Variants in SMC1B observed in about 807,000 individuals in gnomAD.
SMC1B encodes the protein structural maintenance of chromosomes protein 1B.
A neutral mutation model predicts 157.9 loss-of-function variants in SMC1B; 60 were observed. The observed-to-expected ratio is 0.38, with a 90% CI of 0.31 to 0.47. The LOEUF (loss-of-function observed/expected upper bound fraction) is 0.47. Among genes scored for constraint, SMC1B ranks in the 20% least tolerant of loss-of-function variants. SMC1B has a pLI of 0.99. For missense variants in SMC1B, 1,165 were observed against 1,426.2 expected, an observed-to-expected ratio of 0.82 and a Z score of 2.95; for synonymous variants, 445 against 483.0, an observed-to-expected ratio of 0.92 and a Z score of 1.03.
chr22:45,409,274 G>A (rs574334732), intron 1 of SMC1B, among the ~76,000 whole-genome samples: 3 of 152,236 alleles, frequency 2.0e-5, no homozygotes, highest in African/African-American at 7.2e-5. Flanking sequence ...CTAAAAAAGA[G>A]AGGCTAAGGC....
intron 15 of SMC1B, among the ~76,000 whole-genome samples, chr22:45,368,812 C>T (rs2086801045): frequency 6.6e-6 from 1 of 152,150 alleles, no homozygotes; most frequent in Admixed American, 6.5e-5. Context: ...AGCCACCACA[C>T]CTGGGCTGAA....
intron 19 of SMC1B, 100 bp downstream of exon 19, chr22:45,358,596 TA>T (rs879067131): frequency 7.6e-5 from 53 of 698,958 alleles, no homozygotes; most frequent in South Asian, 1.5e-4. Flanking sequence ...GGAAATCTTT[TA>T]AAAAAAAACA....
In SMC1B at chr22:45,345,517, A is replaced by G; in HGVS notation, c.3548T>C (p.Ile1183Thr). 6.2e-7 allele frequency: 1 copy of G among 1,614,016 alleles called. No individual in the cohort carries two copies. Among genetic ancestry groups the G allele is most frequent in the Non-Finnish European group, 8.5e-7 (1 of 1,179,924 alleles). Residue 1183 changes from isoleucine to threonine, a missense_variant, in exon 24 of 25, where the codon ATC becomes ACC. Ile to Thr is a moderately conservative substitution (Grantham distance 89, BLOSUM62 -1). Transcript: ENST00000357450. The part of the protein sequence containing the change: ...QTQDQFQMIV[I>T]SLKEEFYSRA... The stretch of plus-strand genomic sequence containing the variant: ...GGAATAGAACTCTTCTTTTAGGGAG[A>G]TGACTATCATCTGAAACTGGTCTTG...
At position 45,376,093 on chromosome 22, in the gene SMC1B, C is replaced by T. The variant is rs143026443; in HGVS notation, c.2059-3801G>A. On this transcript the variant is annotated intron_variant, in intron 12 of 24. Coordinates refer to ENST00000357450, the MANE Select transcript of SMC1B (RefSeq NM_148674.5). Reference sequence around the variant, plus strand: ...TTTTATTTGGCTAGTCAAGCATAGTCGTGAGAGCTTTACCATTTCTAAGTG... The same window carrying T: ...TTTTATTTGGCTAGTCAAGCATAGTTGTGAGAGCTTTACCATTTCTAAGTG... Among the ~76,000 whole-genome samples the T allele has an allele frequency of 5.5e-3, 836 of 152,212 alleles. 10 individuals are homozygous for T. Among genetic ancestry groups the T allele is most frequent in the African/African-American group, 0.019 (773 of 41,514 alleles).
At chr22:45,412,975 C>G (rs2087364372) in intron 1 of SMC1B, among the ~76,000 whole-genome samples, 1 of 152,178 alleles carries the variant, frequency 6.6e-6, no homozygotes, top group South Asian at 2.1e-4. Context: ...AGGGCAAGAG[C>G]AGTCCCCGAA....
chr22:45,391,308 G>A (rs1426309783), intron 9 of SMC1B, among the ~76,000 whole-genome samples: 1 of 151,950 alleles, frequency 6.6e-6, no homozygotes, highest in Non-Finnish European at 1.5e-5. Flanking sequence ...TTCTTGATTT[G>A]TTTTCACAGC....
chr22:45,394,439 A>C (rs1349114698), intron 8 of SMC1B, among the ~76,000 whole-genome samples: 2 of 152,134 alleles, frequency 1.3e-5, no homozygotes, highest in South Asian at 2.1e-4. Flanking sequence ...CAGGAGTTCA[A>C]GATCAGCCTG....
intron 10 of SMC1B, among the ~76,000 whole-genome samples, chr22:45,387,534 G>T (rs1370945072): frequency 6.6e-6 from 1 of 152,162 alleles, no homozygotes; most frequent in African/African-American, 2.4e-5. Flanking sequence ...CCCATCATTG[G>T]TTTGGGTAAT....
At chr22:45,404,906 CTCTT>C (rs2087240849) in intron 4 of SMC1B, among the ~76,000 whole-genome samples, 1 of 152,188 alleles carries the variant, frequency 6.6e-6, no homozygotes, top group Non-Finnish European at 1.5e-5. Context: ...CGGAGTTTGA[CTCTT>C]TGTTGACAGA....
chr22:45,381,825 G>A (rs2086939763), intron 12 of SMC1B, among the ~76,000 whole-genome samples: 1 of 152,204 alleles, frequency 6.6e-6, no homozygotes, highest in South Asian at 2.1e-4. Context: ...ATAAAATGTA[G>A]TCTTATGCTT....
chr22:45,399,058 A>G (rs1215546664), intron 6 of SMC1B, 37 bp downstream of exon 6: 3 of 1,572,120 alleles, frequency 1.9e-6, no homozygotes, highest in Non-Finnish European at 2.6e-6. Flanking sequence ...CTGAAATAAT[A>G]GAAACACAAG....
intron 5 of SMC1B, among the ~76,000 whole-genome samples, chr22:45,401,672 A>T (rs568357684): frequency 6.6e-6 from 1 of 152,214 alleles, no homozygotes; most frequent in Non-Finnish European, 1.5e-5. Context: ...CCGCCTCCTC[A>T]AGCTCATCTA....
intron 11 of SMC1B, 58 bp downstream of exon 11, chr22:45,386,809 A>C: frequency 1.4e-6 from 2 of 1,448,082 alleles, no homozygotes; most frequent in Non-Finnish European, 1.9e-6. Flanking sequence ...TGTGTATGCT[A>C]GTCTTATAAA....
intron 2 of SMC1B, 134 bp downstream of exon 2, chr22:45,408,576 G>A: frequency 1.8e-6 from 1 of 566,282 alleles, no homozygotes; most frequent in South Asian, 2.7e-5. Flanking sequence ...TCTGAGATAT[G>A]CTATGCAAGA....
intron 1 of SMC1B, 151 bp downstream of exon 1, chr22:45,413,308 G>C: frequency 1.6e-6 from 1 of 616,986 alleles, no homozygotes; most frequent in Non-Finnish European, 2.8e-6. Flanking sequence ...GCCAGGGCCA[G>C]GCCGGGATCC....
intron 1 of SMC1B, 116 bp from the exon 2 acceptor site, chr22:45,409,014 T>A: frequency 1.7e-6 from 1 of 592,312 alleles, no homozygotes; most frequent in Non-Finnish European, 2.9e-6. Flanking sequence ...CATGTCCTTT[T>A]TAATCAATGT....
intron 6 of SMC1B, among the ~76,000 whole-genome samples, chr22:45,398,696 G>A (rs1381921402): frequency 6.6e-6 from 1 of 152,116 alleles, no homozygotes; most frequent in East Asian, 1.9e-4. Flanking sequence ...AGGCATGGTG[G>A]CGCATGCCTG....
At chr22:45,352,676 A>C in intron 21 of SMC1B, 74 bp from the exon 22 acceptor site, 2 of 1,403,074 alleles carry the variant, frequency 1.4e-6, no homozygotes, top group Non-Finnish European at 1.9e-6. Flanking sequence ...TTAACTGCAA[A>C]ATATTCTATT....
chr22:45,404,606 A>G (rs948978133), intron 4 of SMC1B, among the ~76,000 whole-genome samples: 4 of 152,250 alleles, frequency 2.6e-5, no homozygotes, highest in Admixed American at 2.6e-4. Context: ...TAATCCAGAC[A>G]TTTCCTTTCT....
Sources: allele counts gnomAD v4.1 joint callset (sites outside exome capture counted in the v4.1 genomes callset), GRCh38; gene constraint gnomAD v4.1.1; transcripts MANE v1.5; gene names NCBI Gene and HGNC (gene_info 2026-07-23, HGNC 2026-07-21).